Variants in ATXN1 observed in about 807,000 individuals in gnomAD.
ATXN1 encodes ataxin-1.
A neutral mutation model predicts 56.4 loss-of-function variants in ATXN1; 8 were observed. That is an observed-to-expected ratio of 0.14 (90% CI 0.08 to 0.26). The LOEUF (loss-of-function observed/expected upper bound fraction) is 0.26, where lower values mean the gene tolerates loss of function less well. Ranked by LOEUF, ATXN1 falls within the 10% of genes least tolerant of loss-of-function variation. The pLI, the probability that ATXN1 is intolerant of heterozygous loss-of-function variation, is 1.00. For missense variants in ATXN1, 987 were observed against 1,106.5 expected (o/e 0.89, Z 1.53); for synonymous variants, 514 against 494.6 (o/e 1.04, Z -0.52).
intron 6 of ATXN1, among the ~76,000 whole-genome samples, chr6:16,427,799 C>A (rs993287134): frequency 5.9e-5 from 9 of 152,024 alleles, no homozygotes; most frequent in African/African-American, 2.2e-4. Context: ...GCTGTGTGCA[C>A]CCAAAAAAGA....
At chr6:16,351,406 T>G (rs1208716928) in intron 6 of ATXN1, among the ~76,000 whole-genome samples, 1 of 80,930 alleles carries the variant, frequency 1.2e-5, no homozygotes, top group African/African-American at 4.7e-5. Flanking sequence ...AATTTCAGGG[T>G]TTTTTTTTTT....
At chr6:16,398,529 C>T (rs1260222458) in intron 6 of ATXN1, among the ~76,000 whole-genome samples, 5 of 152,112 alleles carry the variant, frequency 3.3e-5, no homozygotes, top group Non-Finnish European at 7.3e-5. Flanking sequence ...TATATACATA[C>T]ACATATACAC....
rs1760192014 is a variant in ATXN1 at position 16,304,611 on chromosome 6, A to C, written c.*1718T>G. On this transcript the variant is annotated 3_prime_UTR_variant, in exon 8 of 8. Transcript: ENST00000436367. Reference sequence around the variant, plus strand: ...GCTAAGACCTGGCTTTTTGTGACAGATGTGGTAAAAAGACCAAAATGAATT... The same window carrying C: ...GCTAAGACCTGGCTTTTTGTGACAGCTGTGGTAAAAAGACCAAAATGAATT... 6.6e-6 allele frequency: 1 copy of C among 152,636 alleles called. No homozygotes were observed. The highest frequency in any genetic ancestry group is 1.5e-5 in the Non-Finnish European group (1 of 68,034). 9.5% of individuals were successfully genotyped at this position (152,636 alleles called of 1,614,324 possible). A position where few individuals can be genotyped will look rare whatever the true frequency, so the allele number is the denominator to read the frequency against.
At chr6:16,487,627 T>C (rs1335305368) in intron 5 of ATXN1, among the ~76,000 whole-genome samples, 1 of 152,214 alleles carries the variant, frequency 6.6e-6, no homozygotes, top group Non-Finnish European at 1.5e-5. Flanking sequence ...TGTGTTCAAC[T>C]GGGGAATACA....
intron 6 of ATXN1, among the ~76,000 whole-genome samples, chr6:16,409,955 G>A (rs404143): frequency 0.33 from 50,702 of 152,104 alleles, 9,741 homozygotes; most frequent in East Asian, 0.93. Context: ...TTTGTCCAAA[G>A]CATGCTTGGT....
intron 3 of ATXN1, chr6:16,614,867 G>T: frequency 6.6e-6 from 1 of 151,742 alleles, no homozygotes; most frequent in South Asian, 2.1e-4. Flanking sequence ...AGGTTGCAAT[G>T]AGCCAAGATC....
At chr6:16,490,659 T>C (rs1301648900) in intron 5 of ATXN1, among the ~76,000 whole-genome samples, 3 of 152,234 alleles carry the variant, frequency 2.0e-5, no homozygotes, top group Non-Finnish European at 4.4e-5. Flanking sequence ...TTTCCTTTTA[T>C]TTAGTAGACT....
chr6:16,393,970 T>C (rs1189711459), intron 6 of ATXN1, among the ~76,000 whole-genome samples: 2 of 151,766 alleles, frequency 1.3e-5, no homozygotes, highest in Non-Finnish European at 2.9e-5. Context: ...GGTCCAAATA[T>C]CATGGGTCTA....
At chr6:16,341,741 G>C (rs1761253602) in intron 6 of ATXN1, among the ~76,000 whole-genome samples, 1 of 151,814 alleles carries the variant, frequency 6.6e-6, no homozygotes, top group Non-Finnish European at 1.5e-5. Flanking sequence ...GGATGGTCTT[G>C]ATCTCCTGAC....
intron 4 of ATXN1, among the ~76,000 whole-genome samples, chr6:16,538,978 G>A (rs961979279): frequency 1.3e-5 from 2 of 151,974 alleles, no homozygotes; most frequent in African/African-American, 2.4e-5. Flanking sequence ...GAGTCACTGC[G>A]CCCAGCCCAA....
chr6:16,436,817 G>C (rs1759402118), intron 6 of ATXN1, among the ~76,000 whole-genome samples: 2 of 152,168 alleles, frequency 1.3e-5, no homozygotes, highest in African/African-American at 4.8e-5. Context: ...ATCAGAGGAG[G>C]TACAGGGTCT....
At chr6:16,589,170 G>A (rs754090921) in intron 3 of ATXN1, among the ~76,000 whole-genome samples, 21 of 152,098 alleles carry the variant, frequency 1.4e-4, no homozygotes, top group African/African-American at 4.1e-4. Flanking sequence ...CTGGGAAGTG[G>A]GGGCCCTTTT....
intron 6 of ATXN1, among the ~76,000 whole-genome samples, chr6:16,363,534 G>A (rs1327497941): frequency 2.0e-5 from 3 of 152,222 alleles, no homozygotes; most frequent in Non-Finnish European, 1.5e-5. Context: ...GATGCTCTTT[G>A]ACATGAATTG....
chr6:16,637,092 A>C (rs1763611438), intron 3 of ATXN1, among the ~76,000 whole-genome samples: 1 of 152,210 alleles, frequency 6.6e-6, no homozygotes. Flanking sequence ...ACTTGGAACC[A>C]ACCCAAATGT....
chr6:16,401,400 C>A (rs1043988117), intron 6 of ATXN1, among the ~76,000 whole-genome samples: 12 of 151,982 alleles, frequency 7.9e-5, no homozygotes, highest in African/African-American at 2.7e-4. Flanking sequence ...CAAGATCAGC[C>A]GGAGAAACAA....
intron 4 of ATXN1, among the ~76,000 whole-genome samples, chr6:16,549,126 G>A (rs1761870194): frequency 6.6e-6 from 1 of 151,796 alleles, no homozygotes; most frequent in Non-Finnish European, 1.5e-5. Context: ...TCTATGGAAG[G>A]ACCTGCCTGA....
intron 4 of ATXN1, among the ~76,000 whole-genome samples, chr6:16,524,076 G>A (rs1200440422): frequency 1.3e-5 from 2 of 152,136 alleles, no homozygotes; most frequent in African/African-American, 4.8e-5. Context: ...CAGCTTTCCC[G>A]CCCTTTTCAT....
At chr6:16,487,407 T>C (rs1760571578) in intron 5 of ATXN1, among the ~76,000 whole-genome samples, 2 of 152,170 alleles carry the variant, frequency 1.3e-5, no homozygotes, top group Admixed American at 1.3e-4. Flanking sequence ...AGATTTGGAA[T>C]TGGTAACACA....
intron 4 of ATXN1, among the ~76,000 whole-genome samples, chr6:16,547,593 C>T (rs540273767): frequency 2.9e-4 from 44 of 152,210 alleles, no homozygotes; most frequent in South Asian, 1.7e-3. Flanking sequence ...GCTAGAAATC[C>T]GAGATCAAGG....
Sources: gnomAD v4.1 joint callset for allele counts (sites outside exome capture counted in the v4.1 genomes callset) on GRCh38, gnomAD v4.1.1 for gene constraint, MANE v1.5 for transcripts, NCBI Gene and HGNC (gene_info 2026-07-23, HGNC 2026-07-21) for gene names.